The following ADAMTS17 variants were observed in gnomAD, a reference collection of about 807,000 sequenced individuals.
ADAMTS17 encodes ADAM metallopeptidase with thrombospondin type 1 motif 17.
In ADAMTS17, 113 loss-of-function variants were observed where a neutral mutation model predicts 141.5. The observed-to-expected ratio is 0.80, with a 90% CI of 0.69 to 0.93. The LOEUF (loss-of-function observed/expected upper bound fraction) is 0.93, where lower values mean the gene tolerates loss of function less well. ADAMTS17 is among the 40% of genes least tolerant of loss of function. The pLI is 0.00. For missense variants in ADAMTS17, 1,659 were observed against 1,517.9 expected, an observed-to-expected ratio of 1.09 and a Z score of -1.54; for synonymous variants, 768 against 630.6, an observed-to-expected ratio of 1.22 and a Z score of -3.27.
intron 8 of ADAMTS17, among the ~76,000 whole-genome samples, chr15:100,197,319 C>G (rs1406531305): frequency 6.6e-6 from 1 of 152,178 alleles, no homozygotes; most frequent in Non-Finnish European, 1.5e-5. Context: ...ATTGACTATT[C>G]AAAGGCCCAT....
At chr15:99,975,411 T>C (rs568341654) in intron 21 of ADAMTS17, among the ~76,000 whole-genome samples, 2 of 152,266 alleles carry the variant, frequency 1.3e-5, no homozygotes, top group Admixed American at 1.3e-4. Context: ...GGTTTCACCA[T>C]GTTGGTCAGG....
At chr15:100,240,282 G>C (rs1485893453) in intron 7 of ADAMTS17, among the ~76,000 whole-genome samples, 3 of 152,202 alleles carry the variant, frequency 2.0e-5, no homozygotes, top group Admixed American at 6.5e-5. Context: ...CTGTTCTCAA[G>C]GAGCAGCAAT....
chr15:100,299,206 T>C (rs2141802231), intron 3 of ADAMTS17, among the ~76,000 whole-genome samples: 1 of 152,016 alleles, frequency 6.6e-6, no homozygotes, highest in East Asian at 1.9e-4. Context: ...AGACACAATT[T>C]AGCCCATAAG....
chr15:100,225,998 A>G (rs1200303125), intron 7 of ADAMTS17, among the ~76,000 whole-genome samples: 556 of 136,700 alleles, frequency 4.1e-3, no homozygotes, highest in Non-Finnish European at 6.3e-3. Context: ...TAGCAGTCAT[A>G]GCCTCTGTGC....
At chr15:100,028,496 G>A (rs1177837324) in intron 18 of ADAMTS17, among the ~76,000 whole-genome samples, 1 of 152,196 alleles carries the variant, frequency 6.6e-6, no homozygotes, top group Admixed American at 6.5e-5. Flanking sequence ...TCCTGGAATG[G>A]GGTTTTGGAC....
At chr15:100,143,298 T>C (rs1307961293) in intron 10 of ADAMTS17, among the ~76,000 whole-genome samples, 2 of 152,204 alleles carry the variant, frequency 1.3e-5, no homozygotes, top group African/African-American at 4.8e-5. Flanking sequence ...TTTCTCACCC[T>C]CTGCTTCACC....
intron 7 of ADAMTS17, among the ~76,000 whole-genome samples, chr15:100,235,188 C>T (rs1347901362): frequency 3.3e-5 from 5 of 152,148 alleles, no homozygotes; most frequent in Non-Finnish European, 7.4e-5. Context: ...TATCAGAAGC[C>T]TCTTCTGTCA....
chr15:100,296,533 A>G (rs2044818595), intron 3 of ADAMTS17, among the ~76,000 whole-genome samples: 1 of 152,150 alleles, frequency 6.6e-6, no homozygotes, highest in Admixed American at 6.5e-5. Context: ...ATTCCTTACA[A>G]AGAAAGGTGG....
chr15:100,164,497 G>A (rs955712575), intron 8 of ADAMTS17, among the ~76,000 whole-genome samples: 1 of 152,192 alleles, frequency 6.6e-6, no homozygotes, highest in African/African-American at 2.4e-5. Context: ...GGGAATAGGG[G>A]TCAGGGTCAC....
At chr15:100,234,025 C>G (rs943988205) in intron 7 of ADAMTS17, among the ~76,000 whole-genome samples, 4 of 152,120 alleles carry the variant, frequency 2.6e-5, no homozygotes, top group African/African-American at 7.2e-5. Flanking sequence ...AAAAGTAACC[C>G]TCTGCCTGTC....
At chr15:100,116,805 G>C (rs2037160128) in intron 13 of ADAMTS17, 42 bp downstream of exon 13, 1 of 1,613,526 alleles carries the variant, frequency 6.2e-7, no homozygotes, top group Non-Finnish European at 8.5e-7. Flanking sequence ...TCTTAGGGGA[G>C]GACAGGAGGC....
rs577517815 is a variant in ADAMTS17 at position 100,109,186 on chromosome 15, T to C, written c.1889-70A>G. ...GTGGGCCATGCAGGGCACAGGTACA[T>C]GTGGGCAGAGGGAAACCCTGAGGAA... On this transcript the variant is annotated intron_variant, in intron 13 of 21. Transcript: ENST00000268070. The C allele has an allele frequency of 3.0e-5, 46 of 1,552,348 alleles. No individual in the cohort carries two copies. The South Asian group carries it at 5.0e-4, about 17-fold the overall frequency.
At chr15:99,981,997 TTGGC>T (rs1462298559) in intron 20 of ADAMTS17, among the ~76,000 whole-genome samples, 5 of 152,210 alleles carry the variant, frequency 3.3e-5, no homozygotes, top group African/African-American at 1.2e-4. Context: ...GGGGTGCCTG[TTGGC>T]ATGCTACGTC....
At chr15:100,292,539 A>AGAAATTATGAGAGACACTCACCCCGTGT (rs1567498057) in intron 3 of ADAMTS17, among the ~76,000 whole-genome samples, 2 of 141,766 alleles carry the variant, frequency 1.4e-5, no homozygotes, top group Admixed American at 7.0e-5. Flanking sequence ...TCACCCCGTG[A>AGAAATTATGAGAGACACTCACCCCGTGT]GAAATTATGA....
intron 18 of ADAMTS17, among the ~76,000 whole-genome samples, chr15:100,033,528 G>A (rs1202978195): frequency 6.6e-6 from 1 of 152,076 alleles, no homozygotes; most frequent in Non-Finnish European, 1.5e-5. Flanking sequence ...ACCTTAGCCT[G>A]TCTATAGGAC....
intron 6 of ADAMTS17, 126 bp from the exon 7 acceptor site, chr15:100,254,305 C>T (rs369767216): frequency 4.3e-5 from 37 of 856,104 alleles, no homozygotes; most frequent in East Asian, 2.1e-4. Context: ...CAGGCCACAG[C>T]GAATGATAAC....
chr15:100,086,961 A>G (rs935916510), intron 15 of ADAMTS17, among the ~76,000 whole-genome samples: 3 of 152,220 alleles, frequency 2.0e-5, no homozygotes, highest in African/African-American at 7.2e-5. Flanking sequence ...CACATTCAAA[A>G]GCATGCAGAA....
At chr15:100,071,262 C>T (rs1206151386) in intron 15 of ADAMTS17, among the ~76,000 whole-genome samples, 1 of 149,994 alleles carries the variant, frequency 6.7e-6, no homozygotes, top group African/African-American at 2.5e-5. Context: ...AGCTTATCAA[C>T]CAAAAAAAGT....
In ADAMTS17 at chr15:100,243,457, T is replaced by G. The variant is rs146764873; in HGVS notation, c.1075+10679A>C. Among the ~76,000 whole-genome samples the G allele has an allele frequency of 1.4e-4, 21 of 152,354 alleles. No homozygotes were observed. The East Asian group carries it at 4.0e-3, about 29-fold the overall frequency. On this transcript the variant is annotated intron_variant, in intron 7 of 21. Coordinates refer to ENST00000268070, the MANE Select transcript of ADAMTS17 (RefSeq NM_139057.4). ...AGCAGTGCACAAGGGTTCCCATCTC[T>G]CTACATCCTCGCCAACATTTGTTAT...
Sources: gnomAD v4.1 joint callset for allele counts (sites outside exome capture counted in the v4.1 genomes callset) on GRCh38, gnomAD v4.1.1 for gene constraint, MANE v1.5 for transcripts, NCBI Gene and HGNC (gene_info 2026-07-23, HGNC 2026-07-21) for gene names.